Variants in FREM2 observed in about 807,000 individuals in gnomAD.
FREM2 encodes the protein FRAS1-related extracellular matrix protein 2.
A neutral mutation model predicts 219.9 loss-of-function variants in FREM2; 119 were observed. That is an observed-to-expected ratio of 0.54 (90% CI 0.47 to 0.63). FREM2 has a LOEUF of 0.63. Ranked by LOEUF, FREM2 falls within the 30% of genes least tolerant of loss-of-function variation. The probability of loss-of-function intolerance (pLI) is 0.00; values close to 1 mark genes in which losing one functional copy is unlikely to be tolerated. For synonymous variants in FREM2, 1,562 were observed against 1,522.8 expected, an observed-to-expected ratio of 1.03 and a Z score of -0.60; for missense variants, 4,030 against 3,993.6, an observed-to-expected ratio of 1.01 and a Z score of -0.25.
chr13:38,829,968 A>G (rs1237721786), intron 6 of FREM2, among the ~76,000 whole-genome samples: 1 of 152,118 alleles, frequency 6.6e-6, no homozygotes, highest in Non-Finnish European at 1.5e-5. Context: ...AAACAATTGT[A>G]CTTATAACCT....
intron 2 of FREM2, among the ~76,000 whole-genome samples, chr13:38,751,498 C>T (rs1193663962): frequency 6.6e-6 from 1 of 152,124 alleles, no homozygotes; most frequent in Non-Finnish European, 1.5e-5. Context: ...AATCGGTTTT[C>T]TTGCAGTTCC....
chr13:38,713,239 G>C (rs75939073), intron 2 of FREM2, among the ~76,000 whole-genome samples: 1 of 152,070 alleles, frequency 6.6e-6, no homozygotes. Flanking sequence ...ATTTAAACTC[G>C]GAAAATTGGT....
intron 3 of FREM2, among the ~76,000 whole-genome samples, chr13:38,768,727 T>C (rs1478534333): frequency 6.6e-6 from 1 of 152,242 alleles, no homozygotes; most frequent in Non-Finnish European, 1.5e-5. Flanking sequence ...CCAAGTACCA[T>C]TGCCGTTTTA....
intron 2 of FREM2, among the ~76,000 whole-genome samples, chr13:38,740,697 T>C (rs1256897770): frequency 6.6e-6 from 1 of 152,234 alleles, no homozygotes. Context: ...ATGTTGATCA[T>C]AATTAAAATT....
chr13:38,838,461 T>C (rs760558316), intron 6 of FREM2, among the ~76,000 whole-genome samples: 2 of 152,060 alleles, frequency 1.3e-5, no homozygotes, highest in Admixed American at 6.6e-5. Context: ...TTTCAAGGAG[T>C]ATCTTTGTGG....
At position 38,688,767 on chromosome 13, in the gene FREM2, G is replaced by T. The variant is rs1433914063; in HGVS notation, c.1423G>T (p.Asp475Tyr). 6 of 1,614,114 alleles carry T rather than the reference G, an allele frequency of 3.7e-6. No homozygotes were observed. The South Asian group carries it at 6.6e-5, about 18-fold the overall frequency. The stretch of plus-strand genomic sequence containing the variant: ...AAACTTGGTCATCAGCGATGAGGAT[G>T]ACCTAGAAGCAGTGCGGCTAGAGGT... ...PQNLVISDED[D>Y]LEAVRLEVVA... The change falls in exon 1 of 24, where the codon GAC becomes TAC. Residue 475 changes from aspartate (D) to tyrosine (Y), a missense_variant. Around this residue, in one of 2 missense-constraint regions of FREM2, gnomAD observed 3,102 missense variants for 2,950.7 expected, o/e 1.05. Transcript: ENST00000280481.
chr13:38,696,750 A>C (rs1870122378), intron 1 of FREM2, among the ~76,000 whole-genome samples: 1 of 152,168 alleles, frequency 6.6e-6, no homozygotes, highest in African/African-American at 2.4e-5. Flanking sequence ...ATAAAGTAGG[A>C]AACAACATAA....
chr13:38,850,861 A>G, intron 9 of FREM2, 83 bp from the exon 10 acceptor site: 5 of 1,520,738 alleles, frequency 3.3e-6, no homozygotes, highest in Non-Finnish European at 4.5e-6. Flanking sequence ...GAAAATCAAC[A>G]AACTTGCCCT....
chr13:38,855,891 TA>T (rs936299282), intron 11 of FREM2, among the ~76,000 whole-genome samples: 4 of 151,368 alleles, frequency 2.6e-5, no homozygotes, highest in African/African-American at 9.7e-5. Flanking sequence ...ATAAAAAAAT[TA>T]AAAAAATAAA....
chr13:38,701,016 G>C (rs1870322502), intron 2 of FREM2, among the ~76,000 whole-genome samples: 1 of 152,006 alleles, frequency 6.6e-6, no homozygotes, highest in Non-Finnish European at 1.5e-5. Flanking sequence ...TTTCGGTTCA[G>C]AGGTACATGT....
intron 11 of FREM2, 81 bp from the exon 12 acceptor site, chr13:38,856,045 T>TAAAAAAAA (rs34182165): frequency 5.6e-5 from 34 of 602,238 alleles, no homozygotes; most frequent in Middle Eastern, 4.1e-4. Flanking sequence ...TAGGCCACAG[T>TAAAAAAAA]AAAAAAAAAA....
At position 38,851,116 on chromosome 13, in the gene FREM2, A is replaced by G. The variant is rs1188379120; in HGVS notation, c.6742+8A>G. On this transcript the variant is annotated splice_region_variant and intron_variant, in intron 10 of 23. Coordinates refer to ENST00000280481, the MANE Select transcript of FREM2 (RefSeq NM_207361.6). ...TCCGAGATGATGCTGATAGTAAGAA[A>G]TCTTTTTTTGTTTGTTCAACTGTAA... is the stretch of plus-strand genomic sequence containing the variant. 1 of 1,612,784 alleles carries G rather than the reference A, an allele frequency of 6.2e-7. No individual in the cohort carries two copies.
intron 2 of FREM2, among the ~76,000 whole-genome samples, chr13:38,705,151 A>C (rs1036395717): frequency 1.3e-5 from 2 of 152,202 alleles, no homozygotes; most frequent in African/African-American, 4.8e-5. Context: ...CAGCAAGGGG[A>C]AACAGGAAGA....
intron 16 of FREM2, among the ~76,000 whole-genome samples, chr13:38,872,057 A>C (rs1158701136): frequency 6.6e-6 from 1 of 152,212 alleles, no homozygotes; most frequent in East Asian, 1.9e-4. Context: ...CCAAATGGCC[A>C]TGAAGTGATA....
intron 3 of FREM2, among the ~76,000 whole-genome samples, chr13:38,766,021 T>C (rs1306503065): frequency 2.0e-5 from 3 of 152,154 alleles, no homozygotes; most frequent in African/African-American, 7.2e-5. Context: ...ATATAGCAAA[T>C]AAATCATGGG....
chr13:38,877,294 G>A (rs1240382095), intron 21 of FREM2, 51 bp downstream of exon 21: 2 of 1,604,956 alleles, frequency 1.2e-6, no homozygotes, highest in Non-Finnish European at 1.7e-6. Flanking sequence ...TATATCTTTT[G>A]TGCTTTGCTT....
intron 2 of FREM2, among the ~76,000 whole-genome samples, chr13:38,715,733 C>G (rs1237786377): frequency 2.0e-5 from 3 of 151,938 alleles, no homozygotes; most frequent in African/African-American, 7.3e-5. Context: ...CTAGAATGAT[C>G]ATTCTATCAG....
At chr13:38,840,131 G>A (rs1040247321) in intron 6 of FREM2, among the ~76,000 whole-genome samples, 2 of 152,138 alleles carry the variant, frequency 1.3e-5, no homozygotes. Context: ...GAAGACCATG[G>A]GAAAAGTGTA....
Position 38,687,892 on chromosome 13 carries a change from C to A in FREM2, c.548C>A (p.Thr183Asn). The A allele has an allele frequency of 6.3e-7, 1 of 1,585,632 alleles. No homozygotes were observed. Among genetic ancestry groups the A allele is most frequent in the Non-Finnish European group, 8.6e-7 (1 of 1,163,894 alleles). ...GTCTTCACCCAGCTGGAGGTTGTGA[C>A]TCGGAACTTGCCTCTGGTCGTGGAA... ...EVVFTQLEVV[T>N]RNLPLVVEEL... The change falls in exon 1 of 24, where the codon ACT (threonine) becomes AAT (asparagine). Residue 183 changes from threonine (T) to asparagine (N), a missense_variant. This residue lies in a region of FREM2 where 3,102 missense variants were observed against 2,950.7 expected (regional missense o/e 1.05). Coordinates refer to ENST00000280481, the MANE Select transcript of FREM2 (RefSeq NM_207361.6).
Sources: allele counts gnomAD v4.1 joint callset (sites outside exome capture counted in the v4.1 genomes callset), GRCh38; gene constraint gnomAD v4.1.1; regional missense constraint gnomAD v4.1.1; transcripts MANE v1.5; gene names NCBI Gene and HGNC (gene_info 2026-07-23, HGNC 2026-07-21).